The following TEX2 variants were observed in gnomAD, a reference collection of about 807,000 sequenced individuals.
The protein encoded by TEX2 is testis-expressed protein 2.
Under a neutral mutation model 106.9 loss-of-function variants are expected in TEX2, and 53 were observed. The observed-to-expected ratio is 0.50, with a 90% CI of 0.40 to 0.62. The LOEUF (loss-of-function observed/expected upper bound fraction) is 0.62, where lower values mean the gene tolerates loss of function less well. Ranked by LOEUF, TEX2 falls within the 20% of genes least tolerant of loss-of-function variation. The pLI is 0.00. For missense variants in TEX2, 1,207 were observed against 1,379.0 expected, an observed-to-expected ratio of 0.88 and a Z score of 1.98; for synonymous variants, 523 against 534.8, an observed-to-expected ratio of 0.98 and a Z score of 0.30.
intron 1 of TEX2, among the ~76,000 whole-genome samples, chr17:64,239,904 A>AAAAAAAAAAAAAAAAAAAAG (rs781859721): frequency 3.4e-5 from 4 of 118,790 alleles, no homozygotes; most frequent in East Asian, 2.3e-4. Context: ...AAAAAAAAAA[A>AAAAAAAAAAAAAAAAAAAAG]GCAGAGAAGA....
intron 2 of TEX2, among the ~76,000 whole-genome samples, chr17:64,210,634 C>CTTTTTTTTTTTTTTTTTTTTTTTTT (rs58313195): frequency 1.3e-5 from 1 of 74,786 alleles, no homozygotes; most frequent in Non-Finnish European, 2.4e-5. Context: ...CAACCCCCAG[C>CTTTTTTTTTTTTTTTTTTTTTTTTT]TTTTTTTTTT....
intron 1 of TEX2, among the ~76,000 whole-genome samples, chr17:64,231,259 A>G (rs2033649189): frequency 6.6e-6 from 1 of 151,146 alleles, no homozygotes; most frequent in South Asian, 2.1e-4. Flanking sequence ...GGGGCTCTCT[A>G]TCCCAGTGCT....
chr17:64,182,564 A>G (rs2031920422), intron 5 of TEX2, among the ~76,000 whole-genome samples: 1 of 152,102 alleles, frequency 6.6e-6, no homozygotes, highest in Non-Finnish European at 1.5e-5. Context: ...TCAATTTTAG[A>G]ACATTTTCGT....
intron 1 of TEX2, among the ~76,000 whole-genome samples, chr17:64,259,039 C>T (rs1232560608): frequency 1.3e-5 from 2 of 152,192 alleles, no homozygotes; most frequent in Non-Finnish European, 2.9e-5. Context: ...TGAGCCACCG[C>T]GCCCTGTCCT....
intron 2 of TEX2, among the ~76,000 whole-genome samples, chr17:64,201,993 C>A (rs868914330): frequency 6.6e-6 from 1 of 152,090 alleles, no homozygotes; most frequent in African/African-American, 2.4e-5. Context: ...CTGTGTGAGA[C>A]GAACAAGCAA....
intron 10 of TEX2, among the ~76,000 whole-genome samples, 186 bp downstream of exon 10, chr17:64,152,759 A>G (rs761065093): frequency 6.6e-6 from 1 of 152,222 alleles, no homozygotes; most frequent in Non-Finnish European, 1.5e-5. Flanking sequence ...TTGAATGTGA[A>G]TTCACCACTC....
rs373172847 is a variant in TEX2, at chr17:64,188,258, C to T, written c.2334G>A (p.Val778=). 56 of 1,613,902 alleles carry T rather than the reference C, an allele frequency of 3.5e-5. No homozygotes were observed. In the Middle Eastern group the frequency reaches 1.0e-3, roughly 29 times the overall value. ...CCTGGGGGACACACCTGCCCATGTA[C>T]ACGCTGTAGTCGAGAAGCATCTTCT... is the stretch of plus-strand genomic sequence containing the variant. ...VRQKMLLDYS[V]YMGRCVPQES... is the part of the protein sequence containing the mutation. The change falls in exon 5 of 12, where the codon GTG becomes GTA. Residue 778 remains valine (V), a synonymous_variant. Coordinates refer to ENST00000584379, the MANE Select transcript of TEX2 (RefSeq NM_001288732.2).
intron 1 of TEX2, among the ~76,000 whole-genome samples, chr17:64,257,889 G>A (rs1191440583): frequency 6.6e-6 from 1 of 151,814 alleles, no homozygotes; most frequent in Admixed American, 6.6e-5. Flanking sequence ...CGAAAATTGT[G>A]AACAATATGT....
At chr17:64,253,987 T>C (rs1181305471) in intron 1 of TEX2, among the ~76,000 whole-genome samples, 1 of 152,186 alleles carries the variant, frequency 6.6e-6, no homozygotes, top group Non-Finnish European at 1.5e-5. Context: ...CCCCTGGGTG[T>C]TGCCTAGAGG....
chr17:64,206,876 A>C (rs138594585), intron 2 of TEX2, among the ~76,000 whole-genome samples: 1 of 151,918 alleles, frequency 6.6e-6, no homozygotes, highest in Non-Finnish European at 1.5e-5. Context: ...TTTTTTACTT[A>C]TATTCTAGAC....
chr17:64,170,845 G>C (rs1305091318), intron 7 of TEX2, among the ~76,000 whole-genome samples: 2 of 152,108 alleles, frequency 1.3e-5, no homozygotes, highest in Non-Finnish European at 2.9e-5. Flanking sequence ...ATGTTGGCCA[G>C]GCTGGCCTCG....
chr17:64,161,436 C>T (rs575505412), intron 7 of TEX2, among the ~76,000 whole-genome samples: 1 of 152,292 alleles, frequency 6.6e-6, no homozygotes, highest in African/African-American at 2.4e-5. Flanking sequence ...GAGTGGGACA[C>T]AGAAAATGGC....
chr17:64,191,155 C>A (rs1237319716), intron 4 of TEX2, among the ~76,000 whole-genome samples: 1 of 152,192 alleles, frequency 6.6e-6, no homozygotes, highest in Non-Finnish European at 1.5e-5. Context: ...TACAGATGTA[C>A]GAAGACATTA....
intron 7 of TEX2, among the ~76,000 whole-genome samples, chr17:64,167,915 G>C (rs1200560820): frequency 6.6e-6 from 1 of 152,208 alleles, no homozygotes; most frequent in African/African-American, 2.4e-5. Flanking sequence ...GTCGGGTCCA[G>C]AGCTGGTGCT....
In TEX2 at chr17:64,217,434, C is replaced by T. The variant is rs1555632784; in HGVS notation, c.-25-3192G>A. The stretch of plus-strand genomic sequence containing the variant: ...CAACATGGGCTTCCTGACACTGAGG[C>T]CCGATGCCCGGCAGGGTGCCTTTTC... On this transcript the variant is annotated intron_variant, in intron 1 of 11. Coordinates refer to ENST00000584379, the MANE Select transcript of TEX2 (RefSeq NM_001288732.2). The surrounding 1 kb of genome is among the most constrained non-coding windows in gnomAD (Gnocchi z 4.3). Among the ~76,000 whole-genome samples, 2 of 152,218 alleles carry T rather than the reference C, an allele frequency of 1.3e-5. No individual in the cohort carries two copies. The highest frequency in any genetic ancestry group is 2.4e-5 in the African/African-American group (1 of 41,456).
At chr17:64,186,519 G>T (rs1447467519) in intron 5 of TEX2, among the ~76,000 whole-genome samples, 2 of 152,176 alleles carry the variant, frequency 1.3e-5, no homozygotes, top group East Asian at 3.8e-4. Flanking sequence ...CATGGTCATT[G>T]TAAGAGGTCA....
chr17:64,230,106 G>T (rs1293549852), intron 1 of TEX2, among the ~76,000 whole-genome samples: 1 of 152,122 alleles, frequency 6.6e-6, no homozygotes, highest in Non-Finnish European at 1.5e-5. Flanking sequence ...CCAGGTTTAA[G>T]ATGTGTGCAT....
chr17:64,198,802 G>A (rs1475057775), intron 2 of TEX2, among the ~76,000 whole-genome samples: 1 of 151,940 alleles, frequency 6.6e-6, no homozygotes, highest in Non-Finnish European at 1.5e-5. Flanking sequence ...ACAGATACAT[G>A]TACAAAAGCC....
intron 1 of TEX2, among the ~76,000 whole-genome samples, chr17:64,246,376 G>T (rs563601984): frequency 5.1e-4 from 77 of 152,280 alleles, no homozygotes; most frequent in African/African-American, 1.8e-3. Flanking sequence ...CTCCTGAGTA[G>T]CTGTTATTAC....
Sources: allele counts gnomAD v4.1 joint callset (sites outside exome capture counted in the v4.1 genomes callset), GRCh38; gene constraint gnomAD v4.1.1; non-coding constraint Gnocchi (gnomAD v3.1); transcripts MANE v1.5; gene names NCBI Gene and HGNC (gene_info 2026-07-23, HGNC 2026-07-21).